Variants in AFF3 observed in about 807,000 individuals in gnomAD.
The protein encoded by AFF3 is AF4/FMR2 family member 3.
Under a neutral mutation model 129.7 loss-of-function variants are expected in AFF3, and 32 were observed. The ratio of observed to expected loss-of-function variants is 0.25; its 90% CI spans 0.19 to 0.33. The LOEUF is 0.33. Ranked by LOEUF, AFF3 falls within the 10% of genes least tolerant of loss-of-function variation. The pLI is 1.00. For missense variants in AFF3, 1,373 were observed against 1,592.0 expected, an observed-to-expected ratio of 0.86 and a Z score of 2.34; for synonymous variants, 644 against 635.4, an observed-to-expected ratio of 1.01 and a Z score of -0.20.
intron 13 of AFF3, among the ~76,000 whole-genome samples, chr2:99,622,303 A>G (rs1028554753): frequency 6.6e-6 from 1 of 152,214 alleles, no homozygotes; most frequent in African/African-American, 2.4e-5. Flanking sequence ...TCCCACGTGC[A>G]GACGCTGAGA....
intron 7 of AFF3, among the ~76,000 whole-genome samples, chr2:99,890,714 A>AC (rs1311518112): frequency 6.6e-6 from 1 of 151,966 alleles, no homozygotes; most frequent in African/African-American, 2.4e-5. Flanking sequence ...GCAGGCTTTG[A>AC]CGTGCACCAC....
chr2:99,924,093 G>C (rs1352697655), intron 7 of AFF3, among the ~76,000 whole-genome samples: 3 of 151,910 alleles, frequency 2.0e-5, no homozygotes, highest in Non-Finnish European at 4.4e-5. Context: ...TCCAACTTAA[G>C]CTATTCCCAT....
chr2:99,650,989 C>G (rs1575599967), intron 12 of AFF3, among the ~76,000 whole-genome samples: 1 of 151,972 alleles, frequency 6.6e-6, no homozygotes, highest in African/African-American at 2.4e-5. Flanking sequence ...GCCTGACCAA[C>G]AGGGAGAAAC....
intron 4 of AFF3, among the ~76,000 whole-genome samples, chr2:100,070,118 T>A (rs1468513035): frequency 6.6e-6 from 1 of 152,198 alleles, no homozygotes; most frequent in Non-Finnish European, 1.5e-5. Flanking sequence ...GGGAAGGTAA[T>A]TGGAGTAATT....
At chr2:99,584,337 G>A (rs1306077709) in intron 16 of AFF3, among the ~76,000 whole-genome samples, 3 of 152,060 alleles carry the variant, frequency 2.0e-5, no homozygotes, top group African/African-American at 4.8e-5. Flanking sequence ...GTGTGGTGGC[G>A]CATGCCTGTA....
intron 19 of AFF3, among the ~76,000 whole-genome samples, chr2:99,568,083 A>G (rs1183976787): frequency 6.6e-6 from 1 of 152,186 alleles, no homozygotes; most frequent in Non-Finnish European, 1.5e-5. Context: ...GCATTGGAAG[A>G]GGGGTACTGT....
At chr2:100,071,329 G>A (rs1202644632) in intron 4 of AFF3, among the ~76,000 whole-genome samples, 11 of 152,110 alleles carry the variant, frequency 7.2e-5, no homozygotes, top group Non-Finnish European at 1.3e-4. Context: ...TCTTTTACAC[G>A]AAAGTATAAA....
intron 4 of AFF3, among the ~76,000 whole-genome samples, chr2:100,044,951 G>A (rs1348558249): frequency 2.0e-5 from 3 of 152,192 alleles, no homozygotes; most frequent in South Asian, 4.2e-4. Flanking sequence ...GAGAGAGATG[G>A]GAACAAGCTA....
At chr2:99,988,073 T>C (rs1443160759) in intron 7 of AFF3, among the ~76,000 whole-genome samples, 2 of 151,540 alleles carry the variant, frequency 1.3e-5, no homozygotes, top group South Asian at 4.2e-4. Flanking sequence ...CGACTGAAAA[T>C]ATAATATGAT....
intron 7 of AFF3, among the ~76,000 whole-genome samples, chr2:99,987,494 C>T (rs1327999345): frequency 6.6e-6 from 1 of 152,202 alleles, no homozygotes; most frequent in African/African-American, 2.4e-5. Context: ...GGCAGTGCCA[C>T]AGCTCATTTA....
chr2:99,952,043 T>C (rs1263893607), intron 7 of AFF3, among the ~76,000 whole-genome samples: 1 of 152,200 alleles, frequency 6.6e-6, no homozygotes, highest in African/African-American at 2.4e-5. Flanking sequence ...TACTCTCCCT[T>C]TATTTCAGAA....
intron 13 of AFF3, among the ~76,000 whole-genome samples, chr2:99,637,917 G>T (rs1403091720): frequency 6.6e-6 from 1 of 152,150 alleles, no homozygotes; most frequent in Non-Finnish European, 1.5e-5. Context: ...AGCTACATTG[G>T]CATTCAAAAG....
At chr2:100,131,000 T>C (rs981873024) in intron 1 of AFF3, among the ~76,000 whole-genome samples, 5 of 152,060 alleles carry the variant, frequency 3.3e-5, no homozygotes, top group African/African-American at 1.2e-4. Context: ...AGAAACTCCA[T>C]AGCAATATTT....
intron 10 of AFF3, among the ~76,000 whole-genome samples, chr2:99,735,675 T>C (rs914322406): frequency 6.6e-6 from 1 of 152,136 alleles, no homozygotes; most frequent in East Asian, 1.9e-4. Flanking sequence ...GTATTTTTAG[T>C]AGAGATGGGG....
At chr2:99,774,586 A>G (rs1012273324) in intron 8 of AFF3, among the ~76,000 whole-genome samples, 4 of 152,198 alleles carry the variant, frequency 2.6e-5, no homozygotes, top group African/African-American at 9.6e-5. Flanking sequence ...TATACAAAAA[A>G]TCAACTCAAG....
At chr2:100,016,412 T>C (rs550270513) in intron 4 of AFF3, among the ~76,000 whole-genome samples, 5 of 120,320 alleles carry the variant, frequency 4.2e-5, no homozygotes, top group East Asian at 4.8e-4. Flanking sequence ...GCGATGGTCA[T>C]GGTGGTAGTG....
intron 11 of AFF3, among the ~76,000 whole-genome samples, chr2:99,713,561 A>G (rs1678106875): frequency 6.6e-6 from 1 of 150,726 alleles, no homozygotes; most frequent in Non-Finnish European, 1.5e-5. Context: ...AAAATTTTAA[A>G]AAATTAAATT....
chr2:99,821,612 T>C (rs186505313), intron 8 of AFF3, among the ~76,000 whole-genome samples: 2 of 152,356 alleles, frequency 1.3e-5, no homozygotes, highest in East Asian at 1.9e-4. Flanking sequence ...CAGCTTGGTA[T>C]AGTCAATACA....
chr2:99,945,971 C>A (rs534455753), intron 7 of AFF3, among the ~76,000 whole-genome samples: 2 of 152,182 alleles, frequency 1.3e-5, no homozygotes, highest in East Asian at 3.9e-4. Flanking sequence ...TCAATGACTA[C>A]GTATGTGCAA....
Sources: gnomAD v4.1 joint callset for allele counts (sites outside exome capture counted in the v4.1 genomes callset) on GRCh38, gnomAD v4.1.1 for gene constraint, MANE v1.5 for transcripts, NCBI Gene and HGNC (gene_info 2026-07-23, HGNC 2026-07-21) for gene names.